SYN3: variants seen among roughly 807,000 people sequenced by gnomAD.
SYN3 encodes the protein synapsin III.
In SYN3, 35 loss-of-function variants were observed where a neutral mutation model predicts 65.8. That is an observed-to-expected ratio of 0.53 (90% confidence interval 0.41 to 0.70). The LOEUF is 0.70. SYN3 is among the 30% of genes least tolerant of loss of function. SYN3 has a pLI of 0.00. For synonymous variants in SYN3, 270 were observed against 292.9 expected, an observed-to-expected ratio of 0.92 and a Z score of 0.80; for missense variants, 680 against 749.0, an observed-to-expected ratio of 0.91 and a Z score of 1.08.
At chr22:32,987,462 T>C (rs977037886) in intron 2 of SYN3, among the ~76,000 whole-genome samples, 2 of 152,218 alleles carry the variant, frequency 1.3e-5, no homozygotes, top group Non-Finnish European at 1.5e-5. Context: ...CTCACCCTCC[T>C]GGCACCTTCC....
At chr22:32,563,768 C>T (rs1177297421) in intron 7 of SYN3, among the ~76,000 whole-genome samples, 2 of 152,156 alleles carry the variant, frequency 1.3e-5, no homozygotes, top group African/African-American at 4.8e-5. Flanking sequence ...CTCCCAGGTT[C>T]AAGCGATTCT....
intron 6 of SYN3, among the ~76,000 whole-genome samples, chr22:32,737,759 C>A (rs1168094430): frequency 6.6e-6 from 1 of 152,190 alleles, no homozygotes; most frequent in Non-Finnish European, 1.5e-5. Flanking sequence ...CTCCTCTCCA[C>A]TTCCCATCCT....
chr22:32,561,763 C>T (rs2058589777), intron 7 of SYN3, among the ~76,000 whole-genome samples: 2 of 152,328 alleles, frequency 1.3e-5, no homozygotes, highest in African/African-American at 2.4e-5. Context: ...GGAATCTACT[C>T]TGCTTCTGAC....
At chr22:32,549,813 C>T (rs1372060237) in intron 7 of SYN3, among the ~76,000 whole-genome samples, 4 of 151,064 alleles carry the variant, frequency 2.6e-5, no homozygotes, top group Admixed American at 2.0e-4. Flanking sequence ...TGCTTGAACC[C>T]AGGAGGTGGA....
chr22:32,764,839 C>T (rs1384265622), intron 6 of SYN3, among the ~76,000 whole-genome samples: 1 of 152,232 alleles, frequency 6.6e-6, no homozygotes, highest in Non-Finnish European at 1.5e-5. Context: ...TGGCAAGCCT[C>T]TGCCATCTGT....
At chr22:32,909,234 T>C (rs1569319192) in intron 4 of SYN3, among the ~76,000 whole-genome samples, 2 of 152,206 alleles carry the variant, frequency 1.3e-5, no homozygotes, top group African/African-American at 4.8e-5. Flanking sequence ...GCTGTGGACA[T>C]AACTCCACTC....
At chr22:32,648,368 T>C (rs1451437550) in intron 6 of SYN3, among the ~76,000 whole-genome samples, 1 of 152,260 alleles carries the variant, frequency 6.6e-6, no homozygotes, top group Admixed American at 6.5e-5. Flanking sequence ...TTTCCATTTA[T>C]GGTAGTCATC....
At chr22:32,643,985 G>C (rs1277300245) in intron 6 of SYN3, among the ~76,000 whole-genome samples, 2 of 145,512 alleles carry the variant, frequency 1.4e-5, no homozygotes, top group African/African-American at 5.1e-5. Context: ...GGCTGAGGCA[G>C]GAGAATCGCT....
intron 1 of SYN3, among the ~76,000 whole-genome samples, chr22:33,037,913 G>A (rs1219982716): frequency 6.7e-6 from 1 of 149,588 alleles, no homozygotes; most frequent in Non-Finnish European, 1.5e-5. Flanking sequence ...GGAGAAGAAA[G>A]AGAAAAAGAA....
intron 10 of SYN3, among the ~76,000 whole-genome samples, chr22:32,532,257 C>T (rs1226967973): frequency 1.1e-4 from 16 of 152,288 alleles, no homozygotes; most frequent in Admixed American, 9.2e-4. Context: ...TGGTGGTCCC[C>T]GTGAGGGGAT....
At chr22:32,978,288 T>C (rs771062863) in intron 3 of SYN3, among the ~76,000 whole-genome samples, 12 of 151,900 alleles carry the variant, frequency 7.9e-5, no homozygotes, top group Non-Finnish European at 7.4e-5. Flanking sequence ...GGTCCAGTCA[T>C]TGAATGGGTG....
intron 6 of SYN3, among the ~76,000 whole-genome samples, chr22:32,805,877 C>A (rs1174383106): frequency 2.6e-5 from 4 of 151,906 alleles, no homozygotes; most frequent in Non-Finnish European, 5.9e-5. Context: ...TCTGGGTTTT[C>A]TTTAAAAATA....
intron 7 of SYN3, among the ~76,000 whole-genome samples, chr22:32,594,498 T>C (rs1020237282): frequency 1.3e-5 from 2 of 151,946 alleles, no homozygotes; most frequent in African/African-American, 4.8e-5. Context: ...CTTTTCTTTT[T>C]TTTTTTTGGA....
intron 7 of SYN3, among the ~76,000 whole-genome samples, chr22:32,596,018 A>G (rs1262505634): frequency 2.0e-5 from 3 of 152,168 alleles, no homozygotes; most frequent in Admixed American, 2.0e-4. Flanking sequence ...TGGAGGCTGT[A>G]GTGAGCCGAG....
chr22:32,741,607 G>A (rs992024339), intron 6 of SYN3, among the ~76,000 whole-genome samples: 14 of 151,768 alleles, frequency 9.2e-5, no homozygotes, highest in Non-Finnish European at 1.8e-4. Context: ...CGCCTGCCTC[G>A]GCCTCCCAAA....
chr22:33,033,123 G>C lies in SYN3; in HGVS notation c.-163+25169C>G, dbSNP rs191623129. ...GGCCTCCCAAGTAGCTGGGACTACAGGCACCCACCACCACGCCCAGCTAAT... is the reference window on the plus strand; with the variant it reads ...GGCCTCCCAAGTAGCTGGGACTACACGCACCCACCACCACGCCCAGCTAAT... On this transcript the variant is annotated intron_variant, in intron 1 of 13. Transcript: ENST00000358763. Among the ~76,000 whole-genome samples the C allele has an allele frequency of 8.2e-4, 125 of 151,870 alleles. 1 individual carries two copies. In the East Asian group the frequency reaches 0.021, roughly 26 times the overall value.
intron 6 of SYN3, among the ~76,000 whole-genome samples, chr22:32,776,984 T>C (rs2045922779): frequency 6.6e-6 from 1 of 152,100 alleles, no homozygotes; most frequent in Non-Finnish European, 1.5e-5. Context: ...ACCACAATGC[T>C]GACCTCACAG....
chr22:32,774,046 A>G (rs5998635), intron 6 of SYN3, among the ~76,000 whole-genome samples: 107,259 of 151,814 alleles, frequency 0.71, 38,454 homozygotes, highest in African/African-American at 0.83. Context: ...GGTCCCAAGG[A>G]CAGGAAAGAA....
chr22:32,552,725 C>G (rs572474342), intron 7 of SYN3, among the ~76,000 whole-genome samples: 2 of 152,280 alleles, frequency 1.3e-5, no homozygotes, highest in East Asian at 3.9e-4. Flanking sequence ...ACAACCCATT[C>G]TTGCAATAAA....
Sources: allele counts gnomAD v4.1 joint callset (sites outside exome capture counted in the v4.1 genomes callset), GRCh38; gene constraint gnomAD v4.1.1; transcripts MANE v1.5; gene names NCBI Gene and HGNC (gene_info 2026-07-23, HGNC 2026-07-21).